Variants in RUNX3 observed in about 807,000 individuals in gnomAD.
RUNX3 encodes RUNX family transcription factor 3, also known as runt-related transcription factor 3.
In RUNX3, 10 loss-of-function variants were observed where a neutral mutation model predicts 27.7. The ratio of observed to expected loss-of-function variants is 0.36; its 90% CI spans 0.22 to 0.61. The LOEUF is 0.61. Among genes scored for constraint, RUNX3 ranks in the 20% least tolerant of loss-of-function variants. The pLI is 0.72. For synonymous variants in RUNX3, 270 were observed against 269.2 expected (o/e 1.00, Z -0.03); for missense variants, 469 against 629.5 (o/e 0.75, Z 2.73).
chr1:24,955,702 C>G (rs1166186861), intron 2 of RUNX3, among the ~76,000 whole-genome samples: 2 of 152,156 alleles, frequency 1.3e-5, no homozygotes, highest in Non-Finnish European at 1.5e-5. Flanking sequence ...AGGACTGCCT[C>G]CTCTCTGAGT....
chr1:24,958,853 T>C (rs1170280218), intron 2 of RUNX3, among the ~76,000 whole-genome samples: 2 of 152,126 alleles, frequency 1.3e-5, no homozygotes, highest in Admixed American at 6.5e-5. Context: ...TCTGGAAGAT[T>C]GGGTGAGATT....
At chr1:24,911,708 T>A (rs776594857) in intron 3 of RUNX3, among the ~76,000 whole-genome samples, 11 of 152,184 alleles carry the variant, frequency 7.2e-5, no homozygotes, top group Admixed American at 2.0e-4. Context: ...CACACCCGGA[T>A]CCCCCGACTC....
rs546404882 is a variant in RUNX3, at chr1:24,948,205, G to A, written c.58+16309C>T. On this transcript the variant is annotated intron_variant, in intron 2 of 6. Transcript: ENST00000338888. Reference sequence around the variant, plus strand: ...CCTGGCCAGAGATAAGAAGAGCAGCGTGGGTAGGGGTTAAGCATCCTCCCC... The same window carrying A: ...CCTGGCCAGAGATAAGAAGAGCAGCATGGGTAGGGGTTAAGCATCCTCCCC... Among the ~76,000 whole-genome samples, 24 of 152,318 alleles carry A rather than the reference G, an allele frequency of 1.6e-4. No individual in the cohort carries two copies. The East Asian group carries it at 3.5e-3, about 22-fold the overall frequency.
At chr1:24,952,110 A>G (rs903347928) in intron 2 of RUNX3, among the ~76,000 whole-genome samples, 1 of 152,234 alleles carries the variant, frequency 6.6e-6, no homozygotes, top group African/African-American at 2.4e-5. Context: ...TAGACTGTCA[A>G]TTACGAATTG....
intron 3 of RUNX3, among the ~76,000 whole-genome samples, chr1:24,911,178 G>A (rs1442462563): frequency 1.3e-5 from 2 of 152,246 alleles, no homozygotes; most frequent in Admixed American, 6.5e-5. Context: ...CCGGGTGGAC[G>A]TGGGGACCAC....
At chr1:24,910,314 G>C (rs1640772812) in intron 3 of RUNX3, among the ~76,000 whole-genome samples, 1 of 151,356 alleles carries the variant, frequency 6.6e-6, no homozygotes, top group South Asian at 2.1e-4. Flanking sequence ...AAAAAATGTG[G>C]GAGGGGGTAA....
rs531206858 is a variant in RUNX3, at chr1:24,956,812, C to T, written c.58+7702G>A. On this transcript the variant is annotated intron_variant, in intron 2 of 6. Coordinates refer to the RUNX3 transcript ENST00000338888. ...CCAAAATGGACCCCTCCTTTCCTCC[C>T]CACCCCTTTCCACTCCATCCGCCTT... Among the ~76,000 whole-genome samples the T allele has an allele frequency of 3.3e-5, 5 of 152,300 alleles. No individual in the cohort carries two copies. The South Asian group carries it at 1.0e-3, about 32-fold the overall frequency.
chr1:24,926,084 C>A (rs927801647), intron 2 of RUNX3, among the ~76,000 whole-genome samples: 1 of 152,146 alleles, frequency 6.6e-6, no homozygotes, highest in Admixed American at 6.5e-5. Context: ...GCTCCCAGAT[C>A]GACAGCACCT....
At chr1:24,928,221 G>C (rs1168076815) in intron 1 of RUNX3, among the ~76,000 whole-genome samples, 1 of 152,188 alleles carries the variant, frequency 6.6e-6, no homozygotes, top group Admixed American at 6.5e-5. Flanking sequence ...ATGTGGACCA[G>C]GCCCAGTTTA....
chr1:24,946,028 T>C (rs996677815), intron 2 of RUNX3, among the ~76,000 whole-genome samples: 26 of 151,896 alleles, frequency 1.7e-4, no homozygotes, highest in African/African-American at 5.8e-4. Flanking sequence ...TTTAGGGGGG[T>C]TCCCAGAAGC....
intron 2 of RUNX3, among the ~76,000 whole-genome samples, chr1:24,946,438 G>A (rs1641610135): frequency 6.7e-6 from 1 of 150,260 alleles, no homozygotes; most frequent in Non-Finnish European, 1.5e-5. Flanking sequence ...ACAGTATGGG[G>A]TCCTTTAAAC....
chr1:24,907,223 C>G, intron 4 of RUNX3, 36 bp downstream of exon 4: 4 of 1,595,306 alleles, frequency 2.5e-6, no homozygotes, highest in Non-Finnish European at 3.4e-6. Flanking sequence ...TCCACCCCCA[C>G]CTCACCCCGC....
chr1:24,932,433 C>G (rs986681387), upstream of RUNX3, among the ~76,000 whole-genome samples: 5 of 152,028 alleles, frequency 3.3e-5, no homozygotes, highest in African/African-American at 7.2e-5. Flanking sequence ...CCGCGCCCTG[C>G]CAGCCGCGGA....
rs1403513623 is a variant in RUNX3 at position 24,900,844 on chromosome 1, A to C, written c.*1278T>G. On this transcript the variant is annotated 3_prime_UTR_variant, in exon 5 of 5. Transcript: ENST00000308873. ...CCCTTGAGAAAGTATTGAGACCCTA[A>C]TAACCCCACACCCTCAGGAGGCAGC... 6.6e-6 allele frequency: 1 copy of C among 151,858 alleles called. No homozygotes were observed. Among genetic ancestry groups the C allele is most frequent in the Non-Finnish European group, 1.5e-5 (1 of 67,952 alleles). The allele number at this position is 151,858 out of a possible 1,614,324, so 9.4% of individuals were successfully genotyped here.
intron 2 of RUNX3, among the ~76,000 whole-genome samples, chr1:24,924,187 T>A (rs1374830253): frequency 6.6e-6 from 1 of 152,074 alleles, no homozygotes; most frequent in Non-Finnish European, 1.5e-5. Context: ...AGCAACACAG[T>A]GAACAACACC....
intron 2 of RUNX3, among the ~76,000 whole-genome samples, chr1:24,936,176 G>A (rs1411200032): frequency 1.3e-5 from 2 of 152,256 alleles, no homozygotes; most frequent in Admixed American, 6.5e-5. Flanking sequence ...CAGCTCTGGC[G>A]GGCAGGGAGA....
chr1:24,931,643 T>C (rs1022147896), upstream of RUNX3, among the ~76,000 whole-genome samples: 1 of 152,042 alleles, frequency 6.6e-6, no homozygotes, highest in Non-Finnish European at 1.5e-5. Flanking sequence ...AAGCTTAGGA[T>C]CCGACGGTGG....
At chr1:24,929,130 G>A (rs917285067) in intron 1 of RUNX3, 7 of 462,274 alleles carry the variant, frequency 1.5e-5, no homozygotes, top group Non-Finnish European at 2.6e-5. Context: ...TCGGAAGCCC[G>A]AGGGTGTGAG....
At chr1:24,963,031 A>C (rs1408086420) in intron 2 of RUNX3, 1 of 152,090 alleles carries the variant, frequency 6.6e-6, no homozygotes, top group African/African-American at 2.4e-5. Flanking sequence ...AATAGCAGCA[A>C]CTCCAAGGAA....
Sources: allele counts gnomAD v4.1 joint callset (sites outside exome capture counted in the v4.1 genomes callset), GRCh38; gene constraint gnomAD v4.1.1; transcripts MANE v1.5; gene names NCBI Gene and HGNC (gene_info 2026-07-23, HGNC 2026-07-21).